The following U2SURP variants were observed in gnomAD, a reference collection of about 807,000 sequenced individuals.
U2SURP encodes the protein U2 snRNP associated SURP domain containing, also known as U2 snRNP-associated SURP motif-containing protein.
Under a neutral mutation model 144.9 loss-of-function variants are expected in U2SURP, and 9 were observed. The observed-to-expected ratio is 0.06, with a 90% confidence interval of 0.04 to 0.11. U2SURP has a LOEUF of 0.11. Ranked by LOEUF, U2SURP falls within the 10% of genes least tolerant of loss-of-function variation. U2SURP has a pLI of 1.00. For missense variants in U2SURP, 724 were observed against 1,226.7 expected (o/e 0.59, Z 6.12); for synonymous variants, 408 against 396.8 (o/e 1.03, Z -0.33).
chr3:143,044,717 T>C (rs558247651), intron 24 of U2SURP, among the ~76,000 whole-genome samples: 1 of 152,188 alleles, frequency 6.6e-6, no homozygotes, highest in Non-Finnish European at 1.5e-5. Context: ...CTACTGTATG[T>C]CAGTACTATC....
Position 143,043,147 on chromosome 3 carries a change from T to C in U2SURP, c.2415T>C (p.Asp805=), listed in dbSNP as rs750991565. 7 of 1,604,344 alleles carry C rather than the reference T, an allele frequency of 4.4e-6. No individual in the cohort carries two copies. Among genetic ancestry groups the C allele is most frequent in the Middle Eastern group, 2.0e-4 (1 of 4,916 alleles). The change falls in exon 24 of 28, where the codon GAT becomes GAC. Residue 805 remains aspartate (D), a synonymous_variant. Coordinates refer to ENST00000473835, the MANE Select transcript of U2SURP (RefSeq NM_001080415.2). ...AAGAAGAAAGTGAAGATGAAGAAGA[T>C]ACTCAAAGTTCCAAATCTGAAGAAC... ...NQEEESEDEE[D]TQSSKSEEHH...
At position 143,001,656 on chromosome 3, in the gene U2SURP, C is replaced by G. The variant is rs749860940; in HGVS notation, c.28C>G (p.Gln10Glu). MADKTPGGS[Q>E]KASSKTRSSD... ...GGCGGACAAAACGCCAGGCGGATCTCAGAAGGCCAGTTCAAAGGTAATTTC... is the reference window on the plus strand; with the variant it reads ...GGCGGACAAAACGCCAGGCGGATCTGAGAAGGCCAGTTCAAAGGTAATTTC... The change falls in exon 1 of 28, where the codon CAG becomes GAG. Residue 10 changes from glutamine to glutamate, a missense_variant. By Grantham distance (29) the Gln-to-Glu change is conservative. Around this residue, in one of 13 missense-constraint regions of U2SURP, gnomAD observed 127 missense variants for 98.2 expected, o/e 1.29. Coordinates refer to ENST00000473835, the MANE Select transcript of U2SURP (RefSeq NM_001080415.2). The G allele has an allele frequency of 3.7e-6, 6 of 1,613,888 alleles. No homozygotes were observed. Among genetic ancestry groups the G allele is most frequent in the South Asian group, 2.2e-5 (2 of 91,070 alleles).
intron 25 of U2SURP, 130 bp from the exon 26 acceptor site, chr3:143,053,546 T>A: frequency 1.5e-6 from 1 of 657,780 alleles, no homozygotes; most frequent in Non-Finnish European, 2.3e-6. Context: ...TTTTTTTTTT[T>A]TTAATAGTAT....
intron 24 of U2SURP, among the ~76,000 whole-genome samples, chr3:143,047,103 A>G (rs1490694382): frequency 1.1e-5 from 1 of 91,712 alleles, no homozygotes; most frequent in Non-Finnish European, 2.1e-5. Flanking sequence ...GGGGCTCCTC[A>G]CTTCCCAGTA....
Position 143,054,989 on chromosome 3 carries a change from G to A in U2SURP, c.2821G>A (p.Gly941Ser), listed in dbSNP as rs1270036608. The A allele has an allele frequency of 6.2e-7, 1 of 1,609,650 alleles. No homozygotes were observed. The highest frequency in any genetic ancestry group is 2.2e-5 in the East Asian group (1 of 44,730). ...CCCCAGCCCATCTCGCAGTAGCAGT[G>A]GTAGACGAGTGAAATCCCCATCACC... is the stretch of plus-strand genomic sequence containing the variant. ...TSPSPSRSSS[G>S]RRVKSPSPKS... Residue 941 changes from glycine (G) to serine (S), a missense_variant, in exon 27 of 28, where the codon GGT (glycine) becomes AGT (serine). Physicochemically the swap from Gly to Ser is moderately conservative, Grantham distance 56 (BLOSUM62 0). Transcript: ENST00000473835.
intron 24 of U2SURP, among the ~76,000 whole-genome samples, chr3:143,049,613 A>G (rs574617761): frequency 6.6e-6 from 1 of 151,988 alleles, no homozygotes; most frequent in South Asian, 2.1e-4. Context: ...TTTTCACCTT[A>G]TTTGTCCTCC....
chr3:143,008,706 T>A (rs1047988262), intron 1 of U2SURP, among the ~76,000 whole-genome samples: 36 of 152,256 alleles, frequency 2.4e-4, no homozygotes, highest in African/African-American at 8.7e-4. Flanking sequence ...CTTTTATGAT[T>A]AGGATGTTTT....
At chr3:143,014,212 C>T (rs188932753) in intron 3 of U2SURP, 99 bp from the exon 4 acceptor site, 169 of 630,956 alleles carry the variant, frequency 2.7e-4, no homozygotes, top group African/African-American at 2.6e-3. Context: ...TAAAAAAAAA[C>T]GGCAGTCTAT....
At chr3:143,048,437 C>T (rs946287680) in intron 24 of U2SURP, among the ~76,000 whole-genome samples, 5 of 152,214 alleles carry the variant, frequency 3.3e-5, no homozygotes, top group Non-Finnish European at 7.3e-5. Context: ...TCACGAGAGG[C>T]TTCACACAGC....
At chr3:143,044,308 A>C (rs1934292682) in intron 24 of U2SURP, among the ~76,000 whole-genome samples, 1 of 9,912 alleles carries the variant, frequency 1.0e-4, no homozygotes, top group Non-Finnish European at 1.8e-4. Flanking sequence ...TTTTTTTTTG[A>C]GACGGGGTTT....
intron 1 of U2SURP, among the ~76,000 whole-genome samples, chr3:143,006,105 A>G (rs998025849): frequency 5.3e-5 from 8 of 152,216 alleles, no homozygotes; most frequent in African/African-American, 1.9e-4. Context: ...GCCCTTCCTC[A>G]GTTTAGATAA....
intron 5 of U2SURP, 73 bp from the exon 6 acceptor site, chr3:143,016,769 A>T (rs1448961579): frequency 7.7e-7 from 1 of 1,301,136 alleles, no homozygotes; most frequent in Non-Finnish European, 1.0e-6. Flanking sequence ...ACTAATTTTT[A>T]CTTGTTTTTA....
intron 13 of U2SURP, chr3:143,024,428 G>C: frequency 2.5e-6 from 1 of 405,066 alleles, no homozygotes; most frequent in Non-Finnish European, 4.8e-6. Flanking sequence ...ACCTTGGTTT[G>C]AGTTCTCCTT....
chr3:143,038,225 A>G, intron 22 of U2SURP, 22 bp downstream of exon 22: 3 of 1,521,558 alleles, frequency 2.0e-6, no homozygotes, highest in Non-Finnish European at 2.7e-6. Flanking sequence ...TAAAATAAAT[A>G]TTTTTTAAAT....
intron 24 of U2SURP, among the ~76,000 whole-genome samples, chr3:143,048,155 A>G (rs1237007249): frequency 2.0e-5 from 3 of 152,204 alleles, no homozygotes; most frequent in African/African-American, 7.2e-5. Flanking sequence ...CCTGAAGGCA[A>G]TAAGGGCTGG....
rs993905302 is a variant in U2SURP, at chr3:143,053,928, G to A, written c.2774+134G>A. On this transcript the variant is annotated intron_variant, in intron 26 of 27. Coordinates refer to ENST00000473835, the MANE Select transcript of U2SURP (RefSeq NM_001080415.2). ...TAAACTTGTTTGGGTCCTGCTTGCA[G>A]AAGGCAGAAATAGCGGAGAAATGGG... The A allele has an allele frequency of 4.1e-6, 3 of 727,122 alleles. No individual in the cohort carries two copies. In the African/African-American group the frequency reaches 5.4e-5, roughly 13 times the overall value. 45.0% of individuals were successfully genotyped at this position (727,122 alleles called of 1,614,324 possible).
intron 4 of U2SURP, among the ~76,000 whole-genome samples, chr3:143,014,648 T>C (rs957461276): frequency 1.3e-5 from 2 of 152,092 alleles, no homozygotes; most frequent in African/African-American, 4.8e-5. Flanking sequence ...CTATTCTTTT[T>C]GTATAAGTAA....
intron 2 of U2SURP, 52 bp from the exon 3 acceptor site, chr3:143,012,170 A>G (rs1023479929): frequency 1.0e-5 from 16 of 1,584,518 alleles, no homozygotes; most frequent in Admixed American, 7.2e-5. Flanking sequence ...TCAGTGCTAT[A>G]TATGTATATA....
chr3:143,051,172 A>G (rs1934834254), intron 25 of U2SURP, 123 bp downstream of exon 25: 2 of 571,936 alleles, frequency 3.5e-6, no homozygotes, highest in South Asian at 2.5e-5. Flanking sequence ...GAATACTAGT[A>G]GGGCAATCAG....
Sources: gnomAD v4.1 joint callset for allele counts (sites outside exome capture counted in the v4.1 genomes callset) on GRCh38, gnomAD v4.1.1 for gene constraint, gnomAD v4.1.1 regional missense constraint, MANE v1.5 for transcripts, NCBI Gene and HGNC (gene_info 2026-07-23, HGNC 2026-07-21) for gene names.